The following EVL variants were observed in gnomAD, a reference collection of about 807,000 sequenced individuals.
EVL encodes the protein Enah/Vasp-like.
EVL carries 21 observed loss-of-function variants against 59.6 expected under a neutral mutation model. The ratio of observed to expected loss-of-function variants is 0.35; its 90% CI spans 0.25 to 0.51. The LOEUF (loss-of-function observed/expected upper bound fraction) is 0.51, where lower values mean the gene tolerates loss of function less well. EVL is among the 20% of genes least tolerant of loss of function. EVL has a pLI of 0.97. For missense variants in EVL, 462 were observed against 546.6 expected, an observed-to-expected ratio of 0.85 and a Z score of 1.54; for synonymous variants, 198 against 203.5, an observed-to-expected ratio of 0.97 and a Z score of 0.23.
chr14:99,974,370 G>T (rs1025241318), intron 1 of EVL: 1 of 152,476 alleles, frequency 6.6e-6, no homozygotes, highest in South Asian at 2.1e-4. Flanking sequence ...CTGCAGTGGA[G>T]ACTCTGGTCA....
intron 1 of EVL, among the ~76,000 whole-genome samples, chr14:100,069,582 A>G (rs979003488): frequency 5.9e-5 from 9 of 152,138 alleles, no homozygotes; most frequent in African/African-American, 1.9e-4. Flanking sequence ...GGGAACCCGC[A>G]CTTCCCTAGA....
At chr14:100,140,981 C>T (rs117431355) in intron 11 of EVL, 199 bp from the exon 12 acceptor site, 23 of 519,606 alleles carry the variant, frequency 4.4e-5, no homozygotes, top group Admixed American at 3.6e-4. Flanking sequence ...AATACAGTCA[C>T]GGTATCCATG....
intron 1 of EVL, among the ~76,000 whole-genome samples, chr14:100,040,326 C>T (rs2061449624): frequency 6.6e-6 from 1 of 152,192 alleles, no homozygotes; most frequent in Non-Finnish European, 1.5e-5. Context: ...TGTAGCTCTT[C>T]CCCTCGCCCT....
chr14:100,134,592 G>A (rs1888649476), intron 8 of EVL: 1 of 152,260 alleles, frequency 6.6e-6, no homozygotes, highest in Middle Eastern at 3.2e-3. Flanking sequence ...AGGGAGAGAG[G>A]CTGATGGCCG....
chr14:100,120,642 C>T (rs1887636679), intron 3 of EVL, among the ~76,000 whole-genome samples: 1 of 152,156 alleles, frequency 6.6e-6, no homozygotes, highest in Non-Finnish European at 1.5e-5. Context: ...AGACAGGAAG[C>T]ATGGTGGGGC....
chr14:100,116,615 C>A (rs1887364065), intron 3 of EVL, among the ~76,000 whole-genome samples: 1 of 152,148 alleles, frequency 6.6e-6, no homozygotes, highest in Admixed American at 6.5e-5. Context: ...TAATGCATTA[C>A]CTCAGACAGG....
At chr14:100,128,181 G>T (rs1350266175) in intron 5 of EVL, among the ~76,000 whole-genome samples, 1 of 152,206 alleles carries the variant, frequency 6.6e-6, no homozygotes, top group African/African-American at 2.4e-5. Flanking sequence ...GAGAAGAGAA[G>T]AGGCACAGAC....
intron 1 of EVL, among the ~76,000 whole-genome samples, chr14:100,034,235 AAAAAAAAAAAAAAAAG>A (rs1401700467): frequency 1.7e-5 from 2 of 116,732 alleles, no homozygotes; most frequent in Admixed American, 7.7e-5. Context: ...AATCTGTCTC[AAAAAAAAAAAAAAAAG>A]AAAAAGAAAA....
At chr14:99,979,376 C>A (rs949949978) in intron 1 of EVL, among the ~76,000 whole-genome samples, 1 of 152,004 alleles carries the variant, frequency 6.6e-6, no homozygotes, top group Non-Finnish European at 1.5e-5. Context: ...GATTTAGATA[C>A]AGAAGTTAAA....
At position 99,995,224 on chromosome 14, in the gene EVL, T is replaced by G. The variant is rs1438800845; in HGVS notation, c.5+23167T>G. 4.6e-5 allele frequency among the ~76,000 whole-genome samples: 7 copies of G among 152,348 alleles called. No homozygotes were observed. In the East Asian group the frequency reaches 1.3e-3, roughly 29 times the overall value. On this transcript the variant is annotated intron_variant, in intron 1 of 13. Transcript: ENST00000402714. ...TGAGAAGTTTTAGGCTCTCTGCCTC[T>G]TTGTCTTTTTCTTTGTATTCTGAGA...
intron 1 of EVL, among the ~76,000 whole-genome samples, chr14:100,050,519 T>C (rs1186650181): frequency 6.6e-6 from 1 of 151,788 alleles, no homozygotes; most frequent in African/African-American, 2.4e-5. Context: ...CCAGCTAATT[T>C]ATTGTATTTT....
intron 1 of EVL, among the ~76,000 whole-genome samples, chr14:99,987,683 A>G (rs973414564): frequency 2.0e-5 from 3 of 152,144 alleles, no homozygotes; most frequent in Non-Finnish European, 2.9e-5. Context: ...AAGGGGTTTG[A>G]GGGAGCTTGT....
At chr14:100,091,792 G>A (rs778714174) in intron 2 of EVL, among the ~76,000 whole-genome samples, 5 of 152,162 alleles carry the variant, frequency 3.3e-5, no homozygotes, top group Non-Finnish European at 5.9e-5. Context: ...CTGCACTTGC[G>A]ACTGGCATCT....
intron 1 of EVL, chr14:100,019,375 C>T (rs1461868162): frequency 5.1e-6 from 2 of 389,198 alleles, no homozygotes; most frequent in Non-Finnish European, 9.0e-6. Context: ...TTTCTCTAGA[C>T]TAATCCAGTT....
chr14:100,106,518 G>A, intron 3 of EVL: 1 of 187,460 alleles, frequency 5.3e-6, no homozygotes, highest in East Asian at 1.3e-4. Flanking sequence ...TAGTGTAGCT[G>A]GGTCTGGCCC....
chr14:100,118,837 T>G (rs1302228023), intron 3 of EVL, among the ~76,000 whole-genome samples: 1 of 152,184 alleles, frequency 6.6e-6, no homozygotes, highest in African/African-American at 2.4e-5. Context: ...GACTCACCAC[T>G]GTGTTTGGGA....
chr14:99,979,165 C>T (rs1033939676), intron 1 of EVL, among the ~76,000 whole-genome samples: 1 of 151,996 alleles, frequency 6.6e-6, no homozygotes, highest in African/African-American at 2.4e-5. Context: ...ACTCTCACCG[C>T]CCATACACAA....
At chr14:100,094,873 C>T (rs1402463347) in intron 2 of EVL, among the ~76,000 whole-genome samples, 2 of 151,950 alleles carry the variant, frequency 1.3e-5, no homozygotes, top group African/African-American at 4.8e-5. Context: ...AGCCCCGTCT[C>T]TACTAAAAAT....
At position 100,013,044 on chromosome 14, in the gene EVL, A is replaced by T. The variant is rs149980191; in HGVS notation, c.5+40987A>T. ...AGATTGTGTGTGTATTTCTTGTCTGATGGAGGTTGTGGGGAGTTAAACCCC... is the reference window on the plus strand; with the variant it reads ...AGATTGTGTGTGTATTTCTTGTCTGTTGGAGGTTGTGGGGAGTTAAACCCC... On this transcript the variant is annotated intron_variant, in intron 1 of 13. Transcript: ENST00000402714. Among the ~76,000 whole-genome samples, 133 of 152,232 alleles carry T rather than the reference A, an allele frequency of 8.7e-4. 1 individual carries two copies. The highest frequency in any genetic ancestry group is 6.8e-3 in the Middle Eastern group (2 of 292).
Sources: gnomAD v4.1 joint callset for allele counts (sites outside exome capture counted in the v4.1 genomes callset) on GRCh38, gnomAD v4.1.1 for gene constraint, MANE v1.5 for transcripts, NCBI Gene and HGNC (gene_info 2026-07-23, HGNC 2026-07-21) for gene names.